MYT1: variants seen among roughly 807,000 people sequenced by gnomAD.
MYT1 encodes myelin transcription factor 1.
MYT1 carries 23 observed loss-of-function variants against 123.0 expected under a neutral mutation model. The observed-to-expected ratio is 0.19, with a 90% CI of 0.13 to 0.26. The LOEUF (loss-of-function observed/expected upper bound fraction) is 0.26, where lower values mean the gene tolerates loss of function less well. Ranked by LOEUF, MYT1 falls within the 10% of genes least tolerant of loss-of-function variation. The pLI is 1.00. For synonymous variants in MYT1, 518 were observed against 575.3 expected (o/e 0.90, Z 1.43); for missense variants, 1,125 against 1,472.5 (o/e 0.76, Z 3.86).
chr20:64,212,281 G>T lies in MYT1; in HGVS notation c.1517+143G>T. 1.2e-6 allele frequency: 1 copy of T among 832,304 alleles called. No individual in the cohort carries two copies. Among genetic ancestry groups the T allele is most frequent in the Non-Finnish European group, 1.9e-6 (1 of 530,292 alleles). 51.6% of individuals were successfully genotyped at this position (832,304 alleles called of 1,614,324 possible). A position where few individuals can be genotyped will look rare whatever the true frequency, so the allele number is the denominator to read the frequency against. On this transcript the variant is annotated intron_variant, in intron 9 of 22. Transcript: ENST00000328439. This position sits in a 1 kb window ranked among gnomAD's most constrained non-coding sequence, Gnocchi z 6.8. ...GTGGTGGGGGGCTCCACGTGGGGTA[G>T]GGCACCTGGGTTGGGCCTGTGTGTC...
In MYT1 at chr20:64,213,769, G is replaced by A; in HGVS notation, c.1631+122G>A. The A allele has an allele frequency of 1.3e-6, 1 of 786,778 alleles. No homozygotes were observed. The highest frequency in any genetic ancestry group is 2.1e-6 in the Non-Finnish European group (1 of 479,392). 48.7% of individuals were successfully genotyped at this position (786,778 alleles called of 1,614,324 possible). A position where few individuals can be genotyped will look rare whatever the true frequency, so the allele number is the denominator to read the frequency against. ...TGCATGTGTGTGAGTGTACGTGCAT[G>A]TGAGTGTACGTGCATGTGAGTGTGC... On this transcript the variant is annotated intron_variant, in intron 10 of 22. Coordinates refer to ENST00000328439, the MANE Select transcript of MYT1 (RefSeq NM_004535.3). The surrounding 1 kb of genome is among the most constrained non-coding windows in gnomAD (Gnocchi z 5.6).
Position 64,211,296 on chromosome 20 carries a change from G to T in MYT1, c.1382G>T (p.Arg461Leu). The T allele has an allele frequency of 6.2e-7, 1 of 1,613,920 alleles. No individual in the cohort carries two copies. Among genetic ancestry groups the T allele is most frequent in the Non-Finnish European group, 8.5e-7 (1 of 1,179,848 alleles). The change falls in exon 8 of 23, where the codon CGC becomes CTC. Residue 461 changes from arginine (R) to leucine (L), a missense_variant. This residue lies in a region of MYT1 where 429 missense variants were observed against 604.1 expected (regional missense o/e 0.71). Coordinates refer to ENST00000328439, the MANE Select transcript of MYT1 (RefSeq NM_004535.3). The stretch of plus-strand genomic sequence containing the variant: ...GTTACCGGGTTGTACCCTCACCACC[G>T]CAGCCTTTCTGGCTGTCCCCACAAG... ...GHVTGLYPHH[R>L]SLSGCPHKDR...
intron 16 of MYT1, among the ~76,000 whole-genome samples, chr20:64,225,252 G>A (rs149023661): frequency 0.016 from 2,394 of 152,340 alleles, 28 homozygotes; most frequent in Non-Finnish European, 0.02. Flanking sequence ...TGTGTGAGGC[G>A]GCATCGGGCA....
In MYT1 at chr20:64,235,774, C is replaced by A. The variant is rs867246653; in HGVS notation, c.2898-781C>A. ...CCCTTGGATGGCTGTGGTGGGTGAC[C>A]CTGGGATGGCTGTGGTGGGTGACAC... On this transcript the variant is annotated intron_variant, in intron 19 of 22. Coordinates refer to ENST00000328439, the MANE Select transcript of MYT1 (RefSeq NM_004535.3). 2.5e-3 allele frequency among the ~76,000 whole-genome samples: 236 copies of A among 94,128 alleles called. 8 individuals are homozygous for A. Among genetic ancestry groups the A allele is most frequent in the Non-Finnish European group, 3.1e-3 (151 of 48,576 alleles). The allele number at this position is 94,128 out of a possible 152,430, so 61.8% of individuals were successfully genotyped here. A position where few individuals can be genotyped will look rare whatever the true frequency, so the allele number is the denominator to read the frequency against.
intron 20 of MYT1, 44 bp downstream of exon 20, chr20:64,236,690 A>G (rs2983431): frequency 2.0e-6 from 3 of 1,531,364 alleles, no homozygotes; most frequent in South Asian, 2.2e-5. Context: ...GCTGGGTGCC[A>G]GGGTAAGTGA....
chr20:64,189,307 A>C lies in MYT1; in HGVS notation c.-98-756A>C, dbSNP rs745165. Among the ~76,000 whole-genome samples the C allele has an allele frequency of 0.065, 9,974 of 152,320 alleles. 390 individuals are homozygous for C. The highest frequency in any genetic ancestry group is 0.16 in the Middle Eastern group (47 of 294). On this transcript the variant is annotated intron_variant, in intron 1 of 22. Transcript: ENST00000328439. The surrounding 1 kb of genome is among the most constrained non-coding windows in gnomAD (Gnocchi z 5.5). ...CCTTTGAAATGCTGCAGTTATGTAG[A>C]AAGCAGGTTGTCATGGAAACGGGGA...
At chr20:64,187,743 G>A (rs1046359221) in intron 1 of MYT1, among the ~76,000 whole-genome samples, 3 of 152,358 alleles carry the variant, frequency 2.0e-5, no homozygotes, top group African/African-American at 7.2e-5. Flanking sequence ...AGTGATAGCC[G>A]TTTGCTGCCA....
rs769312872 is a variant in MYT1, at chr20:64,223,311, C to G, written c.2480C>G (p.Ala827Gly). The G allele has an allele frequency of 1.2e-6, 2 of 1,614,186 alleles. No homozygotes were observed. The highest frequency in any genetic ancestry group is 1.7e-6 in the Non-Finnish European group (2 of 1,180,036). ...SHRSLSGCPL[A>G]DKSLRNLMAA... Reference sequence around the variant, plus strand: ...TTCAGCCTCTCTGGTTGCCCTCTTGCTGACAAGAGCCTCAGAAACCTCATG... The same window carrying G: ...TTCAGCCTCTCTGGTTGCCCTCTTGGTGACAAGAGCCTCAGAAACCTCATG... The change falls in exon 16 of 23, where the codon GCT becomes GGT. Residue 827 changes from alanine to glycine, a missense_variant. Physicochemically the swap from Ala to Gly is moderately conservative, Grantham distance 60. Transcript: ENST00000328439.
chr20:64,192,041 CAG>C lies in MYT1; in HGVS notation c.-1+1882_-1+1883del, dbSNP rs1193741874. 6.6e-6 allele frequency among the ~76,000 whole-genome samples: 1 copy of C among 152,124 alleles called. No homozygotes were observed. Among genetic ancestry groups the C allele is most frequent in the Non-Finnish European group, 1.5e-5 (1 of 68,022 alleles). ...TATCTACAAATGTCTGGTGCCATGT[CAG>C]GGGTGGGTCGGAAGACTTTTGTCTC... On this transcript the variant is annotated intron_variant, in intron 2 of 22. Coordinates refer to ENST00000328439, the MANE Select transcript of MYT1 (RefSeq NM_004535.3). This position sits in a 1 kb window ranked among gnomAD's most constrained non-coding sequence, Gnocchi z 5.3.
Position 64,221,897 on chromosome 20 carries a change from A to C in MYT1, c.2246A>C (p.Glu749Ala). 2 of 1,612,986 alleles carry C rather than the reference A, an allele frequency of 1.2e-6. No individual in the cohort carries two copies. Among genetic ancestry groups the C allele is most frequent in the Non-Finnish European group, 1.7e-6 (2 of 1,179,906 alleles). The change falls in exon 14 of 23, where the codon GAG becomes GCG. Residue 749 changes from glutamate (E) to alanine (A), a missense_variant. Around this residue, in one of 4 missense-constraint regions of MYT1, gnomAD observed 429 missense variants for 604.1 expected, o/e 0.71. Coordinates refer to ENST00000328439, the MANE Select transcript of MYT1 (RefSeq NM_004535.3). ...RLREEEPEESEPAAHSFASSE... is the reference protein window; with the variant it reads ...RLREEEPEESAPAAHSFASSE... Reference sequence around the variant, plus strand: ...CTTCCTGCTGGTTTTTTGCAGTCAGAGCCAGCAGCCCATTCTTTTGCTTCT... The same window carrying C: ...CTTCCTGCTGGTTTTTTGCAGTCAGCGCCAGCAGCCCATTCTTTTGCTTCT...
At chr20:64,188,947 G>A (rs1568701909) in intron 1 of MYT1, among the ~76,000 whole-genome samples, 1 of 152,228 alleles carries the variant, frequency 6.6e-6, no homozygotes, top group Non-Finnish European at 1.5e-5. Context: ...TTCCTCTGTA[G>A]ACCTCGTATT....
intron 8 of MYT1, 51 bp downstream of exon 8, chr20:64,211,391 C>T (rs1983660885): frequency 6.4e-7 from 1 of 1,566,072 alleles, no homozygotes; most frequent in Non-Finnish European, 8.7e-7. Flanking sequence ...CACGCTGCCT[C>T]TGTGGTGTTT....
In MYT1 at chr20:64,219,024, C is replaced by T; in HGVS notation, c.1960C>T (p.Leu654Phe). The change falls in exon 12 of 23, where the codon CTC becomes TTC. Residue 654 changes from leucine (L) to phenylalanine (F), a missense_variant. This residue lies in a region of MYT1 where 429 missense variants were observed against 604.1 expected (regional missense o/e 0.71). Transcript: ENST00000328439. ...PENLSTKPQDLPSKSVDIEVD... is the reference protein window; with the variant it reads ...PENLSTKPQDFPSKSVDIEVD... ...GAACCTCAGCACGAAGCCACAGGACCTCCCCAGCAAGGTTAGTACATCTGC... is the reference window on the plus strand; with the variant it reads ...GAACCTCAGCACGAAGCCACAGGACTTCCCCAGCAAGGTTAGTACATCTGC... 1 of 1,613,280 alleles carries T rather than the reference C, an allele frequency of 6.2e-7. No individual in the cohort carries two copies.
Position 64,212,034 on chromosome 20 carries a change from C to T in MYT1, c.1427-14C>T. ...TGACAGCCTCGGCTCCCTCCACCCC[C>T]TGTTCTCTTACAGTCTTAGCCATGC... On this transcript the variant is annotated splice_polypyrimidine_tract_variant and intron_variant, in intron 8 of 22. Transcript: ENST00000328439. The surrounding 1 kb of genome is among the most constrained non-coding windows in gnomAD (Gnocchi z 6.8). The T allele has an allele frequency of 1.2e-6, 2 of 1,610,074 alleles. No individual in the cohort carries two copies. Among genetic ancestry groups the T allele is most frequent in the African/African-American group, 1.3e-5 (1 of 74,994 alleles).
chr20:64,181,355 C>T (rs528975379), intron 1 of MYT1, among the ~76,000 whole-genome samples: 7 of 152,270 alleles, frequency 4.6e-5, no homozygotes, highest in South Asian at 2.1e-4. Flanking sequence ...ACTCCCAAAT[C>T]GGGTGTCAGT....
intron 1 of MYT1, among the ~76,000 whole-genome samples, chr20:64,171,461 C>A (rs138370226): frequency 5.9e-5 from 9 of 152,232 alleles, no homozygotes; most frequent in African/African-American, 1.4e-4. Flanking sequence ...TCACCCACAC[C>A]GGTGGCCTGG....
chr20:64,237,154 A>G, intron 20 of MYT1, 133 bp from the exon 21 acceptor site: 1 of 643,120 alleles, frequency 1.6e-6, no homozygotes, highest in Non-Finnish European at 2.7e-6. Context: ...GAGAGAGATG[A>G]GCTCGGAAAA....
chr20:64,181,189 G>T (rs917979750), intron 1 of MYT1, among the ~76,000 whole-genome samples: 10 of 152,032 alleles, frequency 6.6e-5, no homozygotes, highest in African/African-American at 2.4e-4. Context: ...TTATAGTGCC[G>T]GGCTTGGTTG....
In MYT1 at chr20:64,205,089, G is replaced by A. The variant is rs541488836; in HGVS notation, c.141G>A (p.Arg47=). Residue 47 remains arginine (R), a synonymous_variant, in exon 5 of 23, where the codon AGG becomes AGA. Coordinates refer to ENST00000328439, the MANE Select transcript of MYT1 (RefSeq NM_004535.3). The part of the protein sequence containing the change: ...GSGHVRGKYS[R]HRSLQSCPLA... ...GGCACGTCCGGGGCAAGTACTCCAG[G>A]CACCGAAGGTAAGAGGACCCTTGGA... The A allele has an allele frequency of 8.7e-6, 14 of 1,614,028 alleles. No homozygotes were observed. In the Admixed American group the frequency reaches 2.2e-4, roughly 25 times the overall value.
Sources: allele counts gnomAD v4.1 joint callset (sites outside exome capture counted in the v4.1 genomes callset), GRCh38; gene constraint gnomAD v4.1.1; regional missense constraint gnomAD v4.1.1; non-coding constraint Gnocchi (gnomAD v3.1); transcripts MANE v1.5; gene names NCBI Gene and HGNC (gene_info 2026-07-23, HGNC 2026-07-21).